Variants in CNBD1 observed in about 807,000 individuals in gnomAD.
CNBD1 encodes the protein cyclic nucleotide-binding domain-containing protein 1.
A neutral mutation model predicts 54.4 loss-of-function variants in CNBD1; 71 were observed. The observed-to-expected ratio is 1.30, with a 90% CI of 1.08 to 1.59. The LOEUF (loss-of-function observed/expected upper bound fraction) is 1.59. Among genes scored for constraint, CNBD1 ranks in the 40% most tolerant of loss-of-function variants. CNBD1 has a pLI of 0.00. For synonymous variants in CNBD1, 182 were observed against 170.7 expected, an observed-to-expected ratio of 1.07 and a Z score of -0.51; for missense variants, 659 against 518.0, an observed-to-expected ratio of 1.27 and a Z score of -2.64.
At chr8:87,196,072 C>T (rs1469564766) in intron 4 of CNBD1, among the ~76,000 whole-genome samples, 1 of 152,096 alleles carries the variant, frequency 6.6e-6, no homozygotes, top group Non-Finnish European at 1.5e-5. Flanking sequence ...CCCACTGCCA[C>T]AGGACATAAT....
intron 8 of CNBD1, among the ~76,000 whole-genome samples, chr8:87,296,821 T>G (rs999841267): frequency 3.9e-5 from 6 of 152,016 alleles, no homozygotes. Flanking sequence ...AGGCTGACAC[T>G]TACAGAAATA....
At chr8:87,057,523 G>A (rs1228254681) in intron 4 of CNBD1, among the ~76,000 whole-genome samples, 3 of 152,068 alleles carry the variant, frequency 2.0e-5, no homozygotes, top group Non-Finnish European at 4.4e-5. Context: ...TCTGCCCCTG[G>A]CCCCTTCCAC....
chr8:87,381,375 A>C (rs550612301), intron 10 of CNBD1, among the ~76,000 whole-genome samples: 12 of 152,158 alleles, frequency 7.9e-5, no homozygotes, highest in African/African-American at 2.9e-4. Context: ...AAAAACACAA[A>C]AGAGAAGTGT....
At chr8:87,324,162 C>T (rs1199259961) in intron 8 of CNBD1, among the ~76,000 whole-genome samples, 1 of 124,894 alleles carries the variant, frequency 8.0e-6, no homozygotes, top group African/African-American at 3.0e-5. Flanking sequence ...CCCACTTGAT[C>T]ATGGTGGATA....
chr8:87,033,988 A>G lies in CNBD1; in HGVS notation c.431+94234A>G, dbSNP rs537698447. ...TATGCTTTTCTTATGGCTGTCCTGC[A>G]TCCACAAAAAAAAGCTGTGTTTTTA... On this transcript the variant is annotated intron_variant, in intron 4 of 10. Transcript: ENST00000518476. Among the ~76,000 whole-genome samples the G allele has an allele frequency of 5.9e-5, 9 of 152,322 alleles. No homozygotes were observed. In the South Asian group the frequency reaches 1.9e-3, roughly 32 times the overall value.
intron 5 of CNBD1, among the ~76,000 whole-genome samples, chr8:87,218,299 T>G (rs934781733): frequency 2.6e-5 from 4 of 152,102 alleles, no homozygotes; most frequent in African/African-American, 9.6e-5. Flanking sequence ...CAATGTAAAC[T>G]TTAATACGCA....
intron 2 of CNBD1, among the ~76,000 whole-genome samples, chr8:87,396,286 T>C (rs1280460102): frequency 2.0e-5 from 3 of 151,982 alleles, no homozygotes; most frequent in Non-Finnish European, 2.9e-5. Flanking sequence ...CAACAATCTA[T>C]GCAGTTATAG....
At chr8:86,894,263 T>G (rs1586117209) in intron 2 of CNBD1, among the ~76,000 whole-genome samples, 2 of 150,100 alleles carry the variant, frequency 1.3e-5, no homozygotes. Context: ...GGGTTTCACC[T>G]TGTTAGCCAG....
At chr8:86,963,693 A>T (rs374952563) in intron 4 of CNBD1, among the ~76,000 whole-genome samples, 10 of 152,110 alleles carry the variant, frequency 6.6e-5, no homozygotes, top group African/African-American at 2.4e-4. Context: ...CGGTCATGCT[A>T]AGAGAGGAGG....
At chr8:87,419,180 C>A (rs999686863) in intron 2 of CNBD1, among the ~76,000 whole-genome samples, 6 of 151,820 alleles carry the variant, frequency 4.0e-5, no homozygotes, top group Non-Finnish European at 1.5e-5. Flanking sequence ...ATAACAAAGT[C>A]ATTCACAAAA....
chr8:87,384,717 A>G (rs545730847), downstream of CNBD1, among the ~76,000 whole-genome samples: 94 of 152,338 alleles, frequency 6.2e-4, 1 homozygote, highest in African/African-American at 2.2e-3. Flanking sequence ...CTCCAGGTAT[A>G]AGATCATGGG....
intron 6 of CNBD1, among the ~76,000 whole-genome samples, chr8:87,249,583 A>T (rs1181514065): frequency 6.6e-6 from 1 of 152,182 alleles, no homozygotes; most frequent in Non-Finnish European, 1.5e-5. Flanking sequence ...GCAAATTGAT[A>T]AAAGTGAATA....
intron 5 of CNBD1, among the ~76,000 whole-genome samples, chr8:87,226,374 A>T (rs1242450839): frequency 6.6e-6 from 1 of 150,418 alleles, no homozygotes; most frequent in African/African-American, 2.5e-5. Flanking sequence ...TCTTGTGAGC[A>T]TTTAGTGCTA....
chr8:86,923,174 A>AG (rs1369872171), intron 3 of CNBD1, among the ~76,000 whole-genome samples: 2 of 152,178 alleles, frequency 1.3e-5, no homozygotes, highest in African/African-American at 2.4e-5. Flanking sequence ...AGTGGACCCG[A>AG]GCAGGCGGCT....
intron 6 of CNBD1, among the ~76,000 whole-genome samples, chr8:87,275,994 T>C (rs1808472590): frequency 6.6e-6 from 1 of 151,908 alleles, no homozygotes; most frequent in South Asian, 2.1e-4. Flanking sequence ...ATAAAAAACC[T>C]AGGAATCCAC....
chr8:87,389,714 A>G (rs568185887), intron 2 of CNBD1, among the ~76,000 whole-genome samples: 1 of 152,136 alleles, frequency 6.6e-6, no homozygotes, highest in Non-Finnish European at 1.5e-5. Flanking sequence ...CCCCATCAAG[A>G]TACCAATGAC....
At chr8:87,153,927 A>G (rs1288925498) in intron 4 of CNBD1, among the ~76,000 whole-genome samples, 4 of 152,190 alleles carry the variant, frequency 2.6e-5, no homozygotes, top group Admixed American at 1.3e-4. Context: ...GGAAAGAGGT[A>G]AAATTATATG....
At chr8:87,248,333 A>T (rs1043799792) in intron 6 of CNBD1, among the ~76,000 whole-genome samples, 2 of 152,212 alleles carry the variant, frequency 1.3e-5, no homozygotes, top group African/African-American at 2.4e-5. Context: ...CTCTCCTAAA[A>T]GTTCACAATG....
intron 1 of CNBD1, among the ~76,000 whole-genome samples, chr8:86,871,726 G>A (rs541782518): frequency 3.5e-4 from 53 of 152,276 alleles, no homozygotes; most frequent in African/African-American, 1.1e-3. Context: ...TAAAGTTACA[G>A]CTTTCCATAA....
Sources: allele counts gnomAD v4.1 joint callset (sites outside exome capture counted in the v4.1 genomes callset), GRCh38; gene constraint gnomAD v4.1.1; transcripts MANE v1.5; gene names NCBI Gene and HGNC (gene_info 2026-07-23, HGNC 2026-07-21).